The following SLC8B1 variants were observed in gnomAD, a reference collection of about 807,000 sequenced individuals.
SLC8B1 encodes the protein mitochondrial sodium/calcium exchanger protein.
SLC8B1 carries 52 observed loss-of-function variants against 63.4 expected under a neutral mutation model. The observed-to-expected ratio is 0.82, with a 90% CI of 0.66 to 1.03. The LOEUF is 1.03. Among genes scored for constraint, SLC8B1 ranks in the 50% least tolerant of loss-of-function variants. The pLI is 0.00. For missense variants in SLC8B1, 657 were observed against 741.7 expected (o/e 0.89, Z 1.33); for synonymous variants, 336 against 323.9 (o/e 1.04, Z -0.40).
At chr12:113,318,066 T>G (rs1172132244) in intron 8 of SLC8B1, among the ~76,000 whole-genome samples, 1 of 152,176 alleles carries the variant, frequency 6.6e-6, no homozygotes, top group Non-Finnish European at 1.5e-5. Context: ...GTGTTGCATG[T>G]GTGCATATAT....
intron 11 of SLC8B1, among the ~76,000 whole-genome samples, chr12:113,314,472 T>C (rs1319089178): frequency 6.6e-6 from 1 of 152,110 alleles, no homozygotes; most frequent in Non-Finnish European, 1.5e-5. Context: ...CAGGAAGAAA[T>C]CTGGGTAGCA....
rs773394016 is a variant in SLC8B1, at chr12:113,319,059, A to AAGCCCAGGT, written c.698_706dup (p.Tyr233_Gly235dup). ...CACAGTGACCACATAGAACACATACAAGCCCAGGTAACCTGCAGACGGGGT... is the reference window on the plus strand; with the variant it reads ...CACAGTGACCACATAGAACACATACAAGCCCAGGTAGCCCAGGTAACCTGCAGACGGGGT... On this transcript the variant is annotated inframe_insertion, in exon 8 of 16. Transcript: ENST00000680972. 1.9e-6 allele frequency: 3 copies of AAGCCCAGGT among 1,613,778 alleles called. No homozygotes were observed. The highest frequency in any genetic ancestry group is 2.5e-6 in the Non-Finnish European group (3 of 1,179,866).
chr12:113,320,497 G>A lies in SLC8B1; in HGVS notation c.528C>T (p.Gly176=), dbSNP rs772036101. ...CCACTGTGGTAACCAGCACGCCAGC[G>A]CCTGGGGGGAGGAGGCCAGAGCTCA... ...TAGLALGALF[G]AGVLVTTVVA... Residue 176 remains glycine (G), a splice_region_variant and synonymous_variant, in exon 7 of 16, where the codon GGC becomes GGT. Coordinates refer to ENST00000680972, the MANE Select transcript of SLC8B1 (RefSeq NM_001358345.2). The surrounding 1 kb of genome is among the most constrained non-coding windows in gnomAD (Gnocchi z 5.3). 1.1e-5 allele frequency: 18 copies of A among 1,614,038 alleles called. No individual in the cohort carries two copies. The highest frequency in any genetic ancestry group is 1.6e-4 in the Middle Eastern group (1 of 6,062).
chr12:113,304,468 C>T (rs1956645515), intron 14 of SLC8B1, 83 bp from the exon 15 acceptor site: 1 of 1,323,988 alleles, frequency 7.6e-7, no homozygotes, highest in African/African-American at 1.4e-5. Context: ...TGTGTTCATC[C>T]CCAGGGCTTG....
chr12:113,306,605 G>T (rs1470167769), intron 13 of SLC8B1, 30 bp from the exon 14 acceptor site: 3 of 1,595,122 alleles, frequency 1.9e-6, no homozygotes, highest in Non-Finnish European at 2.6e-6. Context: ...GCCTGCAGTG[G>T]TGAGTCGCTT....
At chr12:113,321,677 T>A (rs1443236319) in intron 2 of SLC8B1, among the ~76,000 whole-genome samples, 1 of 152,100 alleles carries the variant, frequency 6.6e-6, no homozygotes, top group African/African-American at 2.4e-5. Context: ...CAGACATTTC[T>A]CAGATCAATT....
chr12:113,319,098 A>G (rs1457267890), intron 7 of SLC8B1, 27 bp from the exon 8 acceptor site: 1 of 1,566,080 alleles, frequency 6.4e-7, no homozygotes, highest in Non-Finnish European at 8.8e-7. Flanking sequence ...CGCCGTCACC[A>G]AGTGGTGTCC....
chr12:113,317,014 G>A lies in SLC8B1; in HGVS notation c.803-13C>T. ...TCTGAGAGGATCTCTGCAGGAGAGA[G>A]GCCCAGTTACATACAGAACCCAGAC... On this transcript the variant is annotated splice_polypyrimidine_tract_variant and intron_variant, in intron 8 of 15. Transcript: ENST00000680972. The A allele has an allele frequency of 1.2e-6, 2 of 1,610,644 alleles. No homozygotes were observed. Among genetic ancestry groups the A allele is most frequent in the South Asian group, 1.1e-5 (1 of 90,114 alleles).
chr12:113,316,529 G>A lies in SLC8B1; in HGVS notation c.990C>T (p.Phe330=). 6.2e-7 allele frequency: 1 copy of A among 1,613,892 alleles called. No individual in the cohort carries two copies. Among genetic ancestry groups the A allele is most frequent in the Non-Finnish European group, 8.5e-7 (1 of 1,179,834 alleles). ...CCTGGCTCCAGGACCCTCCTACCTT[G>A]AACACCTTGAGGGCTTTCCAGTATG... The part of the protein sequence containing the change: ...KSAYWKALKV[F]KLPVEFLLLL... The change falls in exon 10 of 16, where the codon TTC becomes TTT. Residue 330 remains phenylalanine, a synonymous_variant. Transcript: ENST00000680972.
chr12:113,327,749 A>G (rs1449933445), intron 2 of SLC8B1, among the ~76,000 whole-genome samples: 2 of 151,354 alleles, frequency 1.3e-5, no homozygotes. Flanking sequence ...TTGGGAGGCC[A>G]AGGCAGGTGG....
rs1209524696 is a variant in SLC8B1 at position 113,298,792 on chromosome 12, T to A, written c.*985A>T. 1 of 152,100 alleles carries A rather than the reference T, an allele frequency of 6.6e-6. No individual in the cohort carries two copies. The highest frequency in any genetic ancestry group is 1.5e-5 in the Non-Finnish European group (1 of 68,030). 9.4% of individuals were successfully genotyped at this position (152,100 alleles called of 1,614,324 possible). ...ACACTTGAAATTTTGACTTTTTTTT[T>A]ATTTGGAAAAGAGACAGTTGAATCC... On this transcript the variant is annotated 3_prime_UTR_variant, in exon 16 of 16. Coordinates refer to ENST00000680972, the MANE Select transcript of SLC8B1 (RefSeq NM_001358345.2).
At chr12:113,316,857 G>T in intron 9 of SLC8B1, 85 bp downstream of exon 9, 1 of 1,528,088 alleles carries the variant, frequency 6.5e-7, no homozygotes, top group Non-Finnish European at 9.0e-7. Flanking sequence ...CATTCCTGGA[G>T]CCCAGGTCTT....
At chr12:113,306,066 C>CAAAAAAAAAAAAAAAAAAAA (rs60824560) in intron 14 of SLC8B1, among the ~76,000 whole-genome samples, 7 of 18,100 alleles carry the variant, frequency 3.9e-4, no homozygotes, top group Non-Finnish European at 8.6e-4. Context: ...CCCCACCCTG[C>CAAAAAAAAAAAAAAAAAAAA]AAAAAAAAAA....
chr12:113,332,937 C>A lies in SLC8B1; in HGVS notation c.-59G>T. The stretch of plus-strand genomic sequence containing the variant: ...TTCCCTTTCTGCAGTAGCTCAGTTC[C>A]AAACAGCTGGCGGCTCCGGTGGCCT... On this transcript the variant is annotated 5_prime_UTR_variant, in exon 2 of 16. Coordinates refer to ENST00000680972, the MANE Select transcript of SLC8B1 (RefSeq NM_001358345.2). The A allele has an allele frequency of 6.3e-7, 1 of 1,585,426 alleles. No homozygotes were observed. The highest frequency in any genetic ancestry group is 1.1e-5 in the South Asian group (1 of 88,130).
At chr12:113,325,567 T>C (rs1956986703) in intron 2 of SLC8B1, among the ~76,000 whole-genome samples, 1 of 140,398 alleles carries the variant, frequency 7.1e-6, no homozygotes, top group African/African-American at 2.6e-5. Flanking sequence ...TGGCCTTAAT[T>C]TTTTTTTTTT....
intron 2 of SLC8B1, among the ~76,000 whole-genome samples, chr12:113,324,744 C>T (rs1956976745): frequency 6.6e-6 from 1 of 151,872 alleles, no homozygotes; most frequent in Admixed American, 6.6e-5. Flanking sequence ...CACTCTGTCG[C>T]CTAGGCTGGA....
At chr12:113,303,143 G>GCGCT (rs1956621585) in intron 15 of SLC8B1, among the ~76,000 whole-genome samples, 1 of 101,902 alleles carries the variant, frequency 9.8e-6, no homozygotes, top group Non-Finnish European at 2.0e-5. Flanking sequence ...ACACACACAC[G>GCGCT]CGCGCGCACA....
chr12:113,333,204 C>T (rs1957080258), intron 1 of SLC8B1, among the ~76,000 whole-genome samples: 1 of 146,006 alleles, frequency 6.8e-6, no homozygotes, highest in Non-Finnish European at 1.5e-5. Context: ...CCCACCTGGC[C>T]CCCAGCCTGA....
chr12:113,322,275 A>G (rs1486382178), intron 2 of SLC8B1, among the ~76,000 whole-genome samples: 1 of 152,180 alleles, frequency 6.6e-6, no homozygotes, highest in Non-Finnish European at 1.5e-5. Context: ...AGACTGAGAC[A>G]ATGTCCGTGT....
Sources: allele counts gnomAD v4.1 joint callset (sites outside exome capture counted in the v4.1 genomes callset), GRCh38; gene constraint gnomAD v4.1.1; non-coding constraint Gnocchi (gnomAD v3.1); transcripts MANE v1.5; gene names NCBI Gene and HGNC (gene_info 2026-07-23, HGNC 2026-07-21).